FDCSP: variants seen among roughly 807,000 people sequenced by gnomAD.
FDCSP encodes the protein follicular dendritic cell secreted protein.
FDCSP carries 8 observed loss-of-function variants against 8.9 expected under a neutral mutation model. The observed-to-expected ratio is 0.90, with a 90% CI of 0.53 to 1.63. The LOEUF is 1.63. Among genes scored for constraint, FDCSP ranks in the 40% most tolerant of loss-of-function variants. The pLI, the probability that FDCSP is intolerant of heterozygous loss-of-function variation, is 0.00. For synonymous variants in FDCSP, 34 were observed against 34.5 expected, an observed-to-expected ratio of 0.98 and a Z score of 0.06; for missense variants, 101 against 103.6, an observed-to-expected ratio of 0.98 and a Z score of 0.11.
intron 1 of FDCSP, among the ~76,000 whole-genome samples, chr4:70,229,035 C>A (rs1730036542): frequency 6.6e-6 from 1 of 151,788 alleles, no homozygotes. Flanking sequence ...GCATTGTTTT[C>A]TTCTCTTTAG....
chr4:70,227,317 C>T (rs1283871137), intron 1 of FDCSP, among the ~76,000 whole-genome samples: 1 of 151,792 alleles, frequency 6.6e-6, no homozygotes, highest in Non-Finnish European at 1.5e-5. Context: ...CGGAATTTTA[C>T]ATTCCTGTCT....
rs62307437 is a variant in FDCSP at position 70,229,531 on chromosome 4, C to G, written c.1-1664C>G. ...TTTTGACATTCCTTCTTCACTAAATCGTTTTTACCTTTTGATGTAAAGTAG... is the reference window on the plus strand; with the variant it reads ...TTTTGACATTCCTTCTTCACTAAATGGTTTTTACCTTTTGATGTAAAGTAG... On this transcript the variant is annotated intron_variant, in intron 1 of 4. Coordinates refer to ENST00000317987, the MANE Select transcript of FDCSP (RefSeq NM_152997.4). 4.0e-5 allele frequency among the ~76,000 whole-genome samples: 6 copies of G among 151,832 alleles called. No individual in the cohort carries two copies. In the South Asian group the frequency reaches 1.2e-3, roughly 32 times the overall value.
intron 2 of FDCSP, among the ~76,000 whole-genome samples, chr4:70,231,699 C>A (rs1479425954): frequency 6.6e-6 from 1 of 151,662 alleles, no homozygotes; most frequent in Admixed American, 6.6e-5. Flanking sequence ...ATGCTTTTAT[C>A]ATTATTTTAG....
In FDCSP at chr4:70,232,991, T is replaced by G. The variant is rs932977846; in HGVS notation, c.58-3T>G. ...TTAATTAATTTCACTATTTGATCTTTAGGTCTCTCAAGACCAGGAACGAGA... is the reference window on the plus strand; with the variant it reads ...TTAATTAATTTCACTATTTGATCTTGAGGTCTCTCAAGACCAGGAACGAGA... On this transcript the variant is annotated splice_region_variant and splice_polypyrimidine_tract_variant and intron_variant, in intron 2 of 4. Transcript: ENST00000317987. 3 of 1,592,976 alleles carry G rather than the reference T, an allele frequency of 1.9e-6. No homozygotes were observed. The highest frequency in any genetic ancestry group is 2.6e-6 in the Non-Finnish European group (3 of 1,172,064).
intron 2 of FDCSP, among the ~76,000 whole-genome samples, chr4:70,232,701 C>A (rs1266907896): frequency 1.3e-5 from 2 of 151,508 alleles, no homozygotes; most frequent in African/African-American, 2.4e-5. Context: ...TGTAAGAATA[C>A]CTAACACCTG....
In FDCSP at chr4:70,232,990, T is replaced by G. The variant is rs1730112989; in HGVS notation, c.58-4T>G. The G allele has an allele frequency of 6.3e-7, 1 of 1,592,738 alleles. No homozygotes were observed. The highest frequency in any genetic ancestry group is 2.3e-5 in the East Asian group (1 of 44,248). ...TTTAATTAATTTCACTATTTGATCT[T>G]TAGGTCTCTCAAGACCAGGAACGAG... On this transcript the variant is annotated splice_region_variant and splice_polypyrimidine_tract_variant and intron_variant, in intron 2 of 4. Transcript: ENST00000317987.
Position 70,234,675 on chromosome 4 carries a change from T to G in FDCSP, c.*29-410T>G, listed in dbSNP as rs1381786131. On this transcript the variant is annotated intron_variant, in intron 4 of 4. Transcript: ENST00000317987. ...CTAGCTTCCAAGTGTCACATTATAG[T>G]AAAATTTTAAAGGCTTCATGCTTCA... is the stretch of plus-strand genomic sequence containing the variant. Among the ~76,000 whole-genome samples, 4 of 151,436 alleles carry G rather than the reference T, an allele frequency of 2.6e-5. No individual in the cohort carries two copies. In the East Asian group the frequency reaches 7.8e-4, roughly 30 times the overall value.
At chr4:70,231,545 A>G (rs1730083539) in intron 2 of FDCSP, among the ~76,000 whole-genome samples, 1 of 151,708 alleles carries the variant, frequency 6.6e-6, no homozygotes, top group South Asian at 2.1e-4. Context: ...AGGGCAATGC[A>G]TTAGTCATGT....
chr4:70,233,689 G>A (rs1730125642), intron 3 of FDCSP, among the ~76,000 whole-genome samples: 3 of 151,604 alleles, frequency 2.0e-5, no homozygotes, highest in Admixed American at 2.0e-4. Context: ...CCTACATGTG[G>A]TTTGGGTAAA....
chr4:70,232,381 A>C (rs1331325930), intron 2 of FDCSP, among the ~76,000 whole-genome samples: 3 of 151,662 alleles, frequency 2.0e-5, no homozygotes, highest in Non-Finnish European at 3.0e-5. Context: ...TAGATATACA[A>C]ATACTTACCA....
At chr4:70,233,541 G>A (rs1730122702) in intron 3 of FDCSP, among the ~76,000 whole-genome samples, 2 of 151,604 alleles carry the variant, frequency 1.3e-5, no homozygotes, top group South Asian at 4.1e-4. Flanking sequence ...TGGAAATCCT[G>A]TTATCTGGAA....
intron 1 of FDCSP, among the ~76,000 whole-genome samples, chr4:70,229,447 C>T (rs1730043111): frequency 6.6e-6 from 1 of 151,760 alleles, no homozygotes; most frequent in African/African-American, 2.4e-5. Context: ...ACTTTTCCTT[C>T]GCATTCACAA....
intron 2 of FDCSP, among the ~76,000 whole-genome samples, chr4:70,232,765 A>G (rs1467097431): frequency 2.0e-5 from 3 of 151,694 alleles, no homozygotes; most frequent in Admixed American, 6.6e-5. Flanking sequence ...TGTTCAGTGC[A>G]TAATTCAGTT....
chr4:70,235,139 T>C lies in FDCSP; in HGVS notation c.*83T>C, dbSNP rs1003927845. 6.6e-6 allele frequency: 1 copy of C among 151,786 alleles called. No homozygotes were observed. Among genetic ancestry groups the C allele is most frequent in the African/African-American group, 2.4e-5 (1 of 41,386 alleles). The allele number at this position is 151,786 out of a possible 1,614,324, so 9.4% of individuals were successfully genotyped here. On this transcript the variant is annotated 3_prime_UTR_variant, in exon 5 of 5. Coordinates refer to ENST00000317987, the MANE Select transcript of FDCSP (RefSeq NM_152997.4). Reference sequence around the variant, plus strand: ...CTTGAAGAATCAAAATTCCTGTTAATAAAAGAAAAACAAATGTAATTGAAA... The same window carrying C: ...CTTGAAGAATCAAAATTCCTGTTAACAAAAGAAAAACAAATGTAATTGAAA...
At chr4:70,228,682 A>G (rs1394487759) in intron 1 of FDCSP, among the ~76,000 whole-genome samples, 4 of 151,922 alleles carry the variant, frequency 2.6e-5, no homozygotes, top group African/African-American at 9.7e-5. Flanking sequence ...CATAGGCTGC[A>G]GAATGGATGT....
intron 1 of FDCSP, among the ~76,000 whole-genome samples, chr4:70,229,691 C>G (rs35537523): frequency 0.11 from 16,194 of 151,486 alleles, 933 homozygotes; most frequent in Non-Finnish European, 0.13. Flanking sequence ...GGGGCATGGC[C>G]AGTGAGTGGA....
chr4:70,229,488 C>T (rs985740182), intron 1 of FDCSP, among the ~76,000 whole-genome samples: 1 of 151,804 alleles, frequency 6.6e-6, no homozygotes, highest in African/African-American at 2.4e-5. Context: ...AAGATCCTAG[C>T]TTTCAGCTTA....
intron 1 of FDCSP, among the ~76,000 whole-genome samples, chr4:70,228,237 T>C (rs569834685): frequency 6.3e-4 from 96 of 152,006 alleles, no homozygotes; most frequent in Non-Finnish European, 1.0e-3. Context: ...TCACAGCATC[T>C]TCACCAGGAG....
At chr4:70,232,223 C>G (rs1267178182) in intron 2 of FDCSP, among the ~76,000 whole-genome samples, 1 of 151,582 alleles carries the variant, frequency 6.6e-6, no homozygotes, top group Admixed American at 6.6e-5. Context: ...CACTTACTAA[C>G]TCACACAGAG....
Sources: gnomAD v4.1 joint callset for allele counts (sites outside exome capture counted in the v4.1 genomes callset) on GRCh38, gnomAD v4.1.1 for gene constraint, MANE v1.5 for transcripts, NCBI Gene and HGNC (gene_info 2026-07-23, HGNC 2026-07-21) for gene names.